Variants in MGAT4C observed in about 807,000 individuals in gnomAD.
MGAT4C encodes the protein alpha-1,3-mannosyl-glycoprotein 4-beta-N-acetylglucosaminyltransferase C.
MGAT4C carries 19 observed loss-of-function variants against 40.1 expected under a neutral mutation model. That is an observed-to-expected ratio of 0.47 (90% confidence interval 0.33 to 0.70). The LOEUF is 0.70. Ranked by LOEUF, MGAT4C falls within the 30% of genes least tolerant of loss-of-function variation. MGAT4C has a pLI of 0.02. For synonymous variants in MGAT4C, 181 were observed against 187.1 expected (o/e 0.97, Z 0.27); for missense variants, 491 against 563.2 (o/e 0.87, Z 1.30).
chr12:86,419,349 T>C (rs1403650952), intron 3 of MGAT4C, among the ~76,000 whole-genome samples: 1 of 151,798 alleles, frequency 6.6e-6, no homozygotes, highest in Non-Finnish European at 1.5e-5. Flanking sequence ...ACAAAGAAAC[T>C]GAGTTTTATT....
At chr12:86,043,810 A>C (rs1892118745) in intron 2 of MGAT4C, among the ~76,000 whole-genome samples, 1 of 152,154 alleles carries the variant, frequency 6.6e-6, no homozygotes, top group Non-Finnish European at 1.5e-5. Context: ...GAATACTTGA[A>C]TTGGGTTTTG....
At chr12:86,437,000 A>T (rs532548027) in intron 2 of MGAT4C, among the ~76,000 whole-genome samples, 172 of 151,846 alleles carry the variant, frequency 1.1e-3, no homozygotes, top group African/African-American at 4.0e-3. Flanking sequence ...CACTTTATGT[A>T]ATTTTCGATG....
chr12:86,383,842 C>T (rs1258973274), intron 3 of MGAT4C, among the ~76,000 whole-genome samples: 1 of 152,002 alleles, frequency 6.6e-6, no homozygotes. Flanking sequence ...TGGGAAGGCA[C>T]GACTGGTTTT....
chr12:86,384,014 A>G (rs1956004643), intron 3 of MGAT4C, among the ~76,000 whole-genome samples: 1 of 152,160 alleles, frequency 6.6e-6, no homozygotes, highest in South Asian at 2.1e-4. Context: ...TTCTAATGAT[A>G]GTGAATAAGT....
At position 86,193,955 on chromosome 12, in the gene MGAT4C, A is replaced by T. The variant is rs933065899; in HGVS notation, c.-57+62284T>A. 6.1e-4 allele frequency among the ~76,000 whole-genome samples: 93 copies of T among 152,104 alleles called. 1 individual carries two copies. Among genetic ancestry groups the T allele is most frequent in the African/African-American group, 2.2e-3 (90 of 41,526 alleles). On this transcript the variant is annotated intron_variant, in intron 1 of 4. Coordinates refer to ENST00000611864, the MANE Select transcript of MGAT4C (RefSeq NM_001351288.2). Reference sequence around the variant, plus strand: ...TTCTTCTCTTACCTCACATCATATCATCTTACCTAACCTCACTTTCTCTTA... The same window carrying T: ...TTCTTCTCTTACCTCACATCATATCTTCTTACCTAACCTCACTTTCTCTTA...
At chr12:86,827,740 C>G (rs1335983378) in intron 1 of MGAT4C, among the ~76,000 whole-genome samples, 1 of 151,176 alleles carries the variant, frequency 6.6e-6, no homozygotes, top group Non-Finnish European at 1.5e-5. Flanking sequence ...AGAAAAAAAG[C>G]CATTTAAAAG....
chr12:86,727,109 C>A (rs971466236), intron 2 of MGAT4C: 1 of 152,042 alleles, frequency 6.6e-6, no homozygotes, highest in African/African-American at 2.4e-5. Flanking sequence ...ACTGTTAAAT[C>A]CAAATTATTC....
chr12:86,013,780 G>C, intron 2 of MGAT4C: 3 of 842,322 alleles, frequency 3.6e-6, no homozygotes, highest in Non-Finnish European at 4.3e-6. Context: ...AAAAAAAAAA[G>C]ACTTTCTTAG....
intron 1 of MGAT4C, among the ~76,000 whole-genome samples, chr12:86,836,845 T>C (rs1163036336): frequency 6.6e-6 from 1 of 152,144 alleles, no homozygotes; most frequent in East Asian, 1.9e-4. Flanking sequence ...ATCATTGGTA[T>C]GATTTTGGAA....
intron 1 of MGAT4C, among the ~76,000 whole-genome samples, chr12:86,732,554 A>T (rs957803814): frequency 1.3e-5 from 2 of 152,020 alleles, no homozygotes; most frequent in Non-Finnish European, 2.9e-5. Context: ...GGCGTGTGCA[A>T]CCTATATCCC....
intron 4 of MGAT4C, among the ~76,000 whole-genome samples, chr12:86,294,049 T>G (rs1455180762): frequency 6.6e-6 from 1 of 152,116 alleles, no homozygotes; most frequent in Admixed American, 6.5e-5. Context: ...ACTCCACCAG[T>G]GCACACAAAG....
In MGAT4C at chr12:86,767,599, C is replaced by T. The variant is rs529464450; in HGVS notation, c.-261-40358G>A. 3.8e-3 allele frequency among the ~76,000 whole-genome samples: 585 copies of T among 152,172 alleles called. 6 individuals carry two copies. The highest frequency in any genetic ancestry group is 0.011 in the African/African-American group (454 of 41,530). Reference sequence around the variant, plus strand: ...TTGAGACCAATATCCTTGATGAACACTGATGCAAAAATCCTCTATAAAATA... The same window carrying T: ...TTGAGACCAATATCCTTGATGAACATTGATGCAAAAATCCTCTATAAAATA... On this transcript the variant is annotated intron_variant, in intron 1 of 7. Transcript: ENST00000548651.
At chr12:86,180,007 A>G (rs1225596089) in intron 1 of MGAT4C, among the ~76,000 whole-genome samples, 2 of 152,214 alleles carry the variant, frequency 1.3e-5, no homozygotes, top group Admixed American at 1.3e-4. Context: ...ACAGGCCCAG[A>G]GGCCCAGGAG....
chr12:86,684,780 C>T (rs925954057), intron 2 of MGAT4C, among the ~76,000 whole-genome samples: 3 of 151,766 alleles, frequency 2.0e-5, no homozygotes, highest in Admixed American at 2.0e-4. Flanking sequence ...CTCTAATGAC[C>T]GATGATGATG....
At chr12:86,170,303 A>G (rs1886673024) in intron 1 of MGAT4C, among the ~76,000 whole-genome samples, 1 of 152,186 alleles carries the variant, frequency 6.6e-6, no homozygotes, top group Non-Finnish European at 1.5e-5. Context: ...TAAAAGCTCA[A>G]AAATGTTCCT....
At chr12:86,305,986 A>G (rs1482804826) in intron 4 of MGAT4C, among the ~76,000 whole-genome samples, 1 of 150,566 alleles carries the variant, frequency 6.6e-6, no homozygotes, top group Non-Finnish European at 1.5e-5. Flanking sequence ...TCAGATGTAC[A>G]TTATATCTTT....
chr12:86,187,663 G>A (rs1475040484), intron 1 of MGAT4C, among the ~76,000 whole-genome samples: 1 of 151,416 alleles, frequency 6.6e-6, no homozygotes, highest in African/African-American at 2.4e-5. Context: ...GGCCTATAAC[G>A]GGCAAATAAG....
chr12:86,733,203 G>A (rs1465320653), intron 1 of MGAT4C, among the ~76,000 whole-genome samples: 1 of 152,058 alleles, frequency 6.6e-6, no homozygotes, highest in Non-Finnish European at 1.5e-5. Flanking sequence ...TGCTATCATT[G>A]AGAAGTACAT....
Position 86,112,451 on chromosome 12 carries a change from G to GCC in MGAT4C, c.-56-62730_-56-62729dup, listed in dbSNP as rs372342482. ...AATACCAATAGTGGCAGACAGCATT[G>GCC]CCCCCTTCCTTATTCACATTTTCAG... On this transcript the variant is annotated intron_variant, in intron 1 of 4. Coordinates refer to ENST00000611864, the MANE Select transcript of MGAT4C (RefSeq NM_001351288.2). 4.0e-5 allele frequency among the ~76,000 whole-genome samples: 6 copies of GCC among 151,536 alleles called. 1 individual carries two copies. The highest frequency in any genetic ancestry group is 1.5e-4 in the African/African-American group (6 of 41,290).
Sources: allele counts gnomAD v4.1 joint callset (sites outside exome capture counted in the v4.1 genomes callset), GRCh38; gene constraint gnomAD v4.1.1; transcripts MANE v1.5; gene names NCBI Gene and HGNC (gene_info 2026-07-23, HGNC 2026-07-21).